The following ZNF664 variants were observed in gnomAD, a reference collection of about 807,000 sequenced individuals.
ZNF664 encodes zinc finger protein 664, also known as zinc finger Organ of Corti 1.
ZNF664 carries 10 observed loss-of-function variants against 18.2 expected under a neutral mutation model. The ratio of observed to expected loss-of-function variants is 0.55; its 90% CI spans 0.34 to 0.93. The LOEUF is 0.93. Among genes scored for constraint, ZNF664 ranks in the 40% least tolerant of loss-of-function variants. The pLI is 0.02. For synonymous variants in ZNF664, 119 were observed against 104.2 expected (o/e 1.14, Z -0.86); for missense variants, 193 against 319.0 (o/e 0.61, Z 3.01).
chr12:123,986,213 T>C (rs1956823151), intron 2 of ZNF664, among the ~76,000 whole-genome samples: 1 of 152,004 alleles, frequency 6.6e-6, no homozygotes, highest in Non-Finnish European at 1.5e-5. Flanking sequence ...GAAGGAAGTG[T>C]TTTAGTTAGG....
chr12:123,977,202 C>A (rs751938221), intron 2 of ZNF664, among the ~76,000 whole-genome samples: 1 of 152,078 alleles, frequency 6.6e-6, no homozygotes, highest in Non-Finnish European at 1.5e-5. Flanking sequence ...GTTGTCTATA[C>A]TTAAAAGTAT....
chr12:123,981,168 A>C (rs1240504918), intron 2 of ZNF664, among the ~76,000 whole-genome samples: 1 of 152,184 alleles, frequency 6.6e-6, no homozygotes, highest in African/African-American at 2.4e-5. Context: ...GAGAGTTTCC[A>C]GAGGTATTTG....
At chr12:123,993,250 G>A (rs1421502615) in intron 3 of ZNF664, among the ~76,000 whole-genome samples, 2 of 152,202 alleles carry the variant, frequency 1.3e-5, no homozygotes, top group Non-Finnish European at 2.9e-5. Flanking sequence ...TGCAGGCACT[G>A]TAATGGGGAA....
At chr12:124,009,842 T>G (rs1272430341) in intron 3 of ZNF664, among the ~76,000 whole-genome samples, 1 of 151,740 alleles carries the variant, frequency 6.6e-6, no homozygotes, top group East Asian at 1.9e-4. Flanking sequence ...ATTACCTTCC[T>G]TTTTTGCAGA....
At chr12:123,990,453 C>A (rs1046493844) in intron 3 of ZNF664, among the ~76,000 whole-genome samples, 3 of 152,094 alleles carry the variant, frequency 2.0e-5, no homozygotes, top group Non-Finnish European at 4.4e-5. Flanking sequence ...TGTCTTCCTT[C>A]TTTTAGTTGG....
chr12:124,000,983 G>A (rs988393295), intron 3 of ZNF664, among the ~76,000 whole-genome samples: 9 of 152,054 alleles, frequency 5.9e-5, no homozygotes, highest in Admixed American at 3.9e-4. Context: ...CCTTGACATC[G>A]ACTTTTGGAT....
intron 2 of ZNF664, among the ~76,000 whole-genome samples, chr12:123,982,432 A>G (rs1340683020): frequency 2.0e-5 from 3 of 151,894 alleles, no homozygotes; most frequent in African/African-American, 4.8e-5. Context: ...CTATGCTTCT[A>G]TGTGTGCCTG....
At chr12:123,995,787 T>G (rs1307310133) in intron 3 of ZNF664, among the ~76,000 whole-genome samples, 2 of 152,202 alleles carry the variant, frequency 1.3e-5, no homozygotes, top group African/African-American at 4.8e-5. Flanking sequence ...TGAACTCTAA[T>G]TTTTAATGTC....
At chr12:124,011,247 T>G (rs574280400) in intron 3 of ZNF664, 134 bp from the exon 4 acceptor site, 1 of 977,192 alleles carries the variant, frequency 1.0e-6, no homozygotes, top group African/African-American at 1.7e-5. Flanking sequence ...CATGTAGGTC[T>G]TTTTGAGGAT....
At chr12:123,986,769 AG>A (rs1956830412) in intron 2 of ZNF664, among the ~76,000 whole-genome samples, 1 of 152,160 alleles carries the variant, frequency 6.6e-6, no homozygotes, top group South Asian at 2.1e-4. Flanking sequence ...TCCCATTAGT[AG>A]GATTTGTAGG....
At chr12:124,002,830 C>T (rs1957029079) in intron 3 of ZNF664, among the ~76,000 whole-genome samples, 1 of 150,838 alleles carries the variant, frequency 6.6e-6, no homozygotes, top group Non-Finnish European at 1.5e-5. Context: ...GAGCCAACAT[C>T]TAAAGAGTAT....
In ZNF664 at chr12:124,014,691, C is replaced by A. The variant is rs1208522416; in HGVS notation, c.*1761C>A. 3 of 167,084 alleles carry A rather than the reference C, an allele frequency of 1.8e-5. No homozygotes were observed. Among genetic ancestry groups the A allele is most frequent in the Non-Finnish European group, 2.9e-5 (2 of 68,130 alleles). 10.4% of individuals were successfully genotyped at this position (167,084 alleles called of 1,614,324 possible). On this transcript the variant is annotated 3_prime_UTR_variant, in exon 5 of 5. Coordinates refer to ENST00000337815, the MANE Select transcript of ZNF664 (RefSeq NM_152437.3). ...ACTACTCAAGATAGTCACGAAAATACTGAAAGTTTGATTTTTCTTTCCATA... is the reference window on the plus strand; with the variant it reads ...ACTACTCAAGATAGTCACGAAAATAATGAAAGTTTGATTTTTCTTTCCATA...
intron 3 of ZNF664, among the ~76,000 whole-genome samples, chr12:124,010,312 A>G (rs1449248023): frequency 2.0e-5 from 3 of 152,232 alleles, no homozygotes; most frequent in Non-Finnish European, 4.4e-5. Flanking sequence ...GAACATATTA[A>G]AAGTGTTACT....
intron 2 of ZNF664, among the ~76,000 whole-genome samples, chr12:123,986,865 A>G (rs1285739745): frequency 6.6e-6 from 1 of 152,240 alleles, no homozygotes; most frequent in Admixed American, 6.5e-5. Context: ...AAATTCCTCC[A>G]AATGTATTCC....
intron 2 of ZNF664, among the ~76,000 whole-genome samples, chr12:123,977,464 A>C (rs1956708393): frequency 1.5e-5 from 2 of 133,438 alleles, no homozygotes; most frequent in African/African-American, 7.3e-5. Context: ...AAAATGGCCA[A>C]AAAAAAAAAA....
rs1957157544 is a variant in ZNF664, at chr12:124,013,529, C to T, written c.*599C>T. 5.9e-6 allele frequency: 1 copy of T among 169,650 alleles called. No individual in the cohort carries two copies. The highest frequency in any genetic ancestry group is 6.3e-5 in the Admixed American group (1 of 15,848). 10.5% of individuals were successfully genotyped at this position (169,650 alleles called of 1,614,324 possible). A position where few individuals can be genotyped will look rare whatever the true frequency, so the allele number is the denominator to read the frequency against. ...CTTTCATTTTAGATTTTAGGTGACT[C>T]ATAATTCCCATTCACTTAGCCTATC... On this transcript the variant is annotated 3_prime_UTR_variant, in exon 5 of 5. Coordinates refer to ENST00000337815, the MANE Select transcript of ZNF664 (RefSeq NM_152437.3).
chr12:123,992,941 T>C (rs1956905438), intron 3 of ZNF664, among the ~76,000 whole-genome samples: 1 of 152,122 alleles, frequency 6.6e-6, no homozygotes, highest in Non-Finnish European at 1.5e-5. Flanking sequence ...CTCCAACCTC[T>C]AGTAACTGAA....
At chr12:124,005,242 G>A (rs1293208923) in intron 3 of ZNF664, among the ~76,000 whole-genome samples, 3 of 152,168 alleles carry the variant, frequency 2.0e-5, no homozygotes, top group Admixed American at 6.5e-5. Context: ...TTAAGAAACC[G>A]TGAGCTTTTT....
intron 2 of ZNF664, among the ~76,000 whole-genome samples, chr12:123,976,849 G>A (rs1956698881): frequency 6.6e-6 from 1 of 151,920 alleles, no homozygotes; most frequent in African/African-American, 2.4e-5. Context: ...CACTTTGGGA[G>A]GCAGGTGGAT....
Sources: gnomAD v4.1 joint callset for allele counts (sites outside exome capture counted in the v4.1 genomes callset) on GRCh38, gnomAD v4.1.1 for gene constraint, MANE v1.5 for transcripts, NCBI Gene and HGNC (gene_info 2026-07-23, HGNC 2026-07-21) for gene names.